The following LINGO2 variants were observed in gnomAD, a reference collection of about 807,000 sequenced individuals.
The protein encoded by LINGO2 is leucine rich repeat and Ig domain containing 2.
A neutral mutation model predicts 30.6 loss-of-function variants in LINGO2; 14 were observed. That is an observed-to-expected ratio of 0.46 (90% CI 0.30 to 0.72). The LOEUF (loss-of-function observed/expected upper bound fraction) is 0.72. Among genes scored for constraint, LINGO2 ranks in the 30% least tolerant of loss-of-function variants. LINGO2 has a pLI of 0.07. For missense variants in LINGO2, 729 were observed against 751.7 expected, an observed-to-expected ratio of 0.97 and a Z score of 0.35; for synonymous variants, 317 against 288.5, an observed-to-expected ratio of 1.10 and a Z score of -1.00.
chr9:28,351,524 A>T lies in LINGO2; in HGVS notation c.-246+21312T>A, dbSNP rs1387462760. On this transcript the variant is annotated intron_variant, in intron 3 of 5. Coordinates refer to ENST00000379992, the Ensembl canonical transcript of LINGO2. The stretch of plus-strand genomic sequence containing the variant: ...CAATAATCAATAGCTTACCAACCAA[A>T]AAGAGTCCAGGACCAGATGGATTCA... Among the ~76,000 whole-genome samples the T allele has an allele frequency of 2.2e-3, 319 of 147,754 alleles. No individual in the cohort carries two copies. In the East Asian group the frequency reaches 0.029, roughly 13 times the overall value.
At chr9:28,753,165 G>T in the LINGO2 span, among the ~76,000 whole-genome samples, 1 of 151,806 alleles carries the variant, frequency 6.6e-6, no homozygotes, top group South Asian at 2.1e-4. Flanking sequence ...ATCCTCACAG[G>T]TCTACACTTA....
At chr9:28,342,158 C>T (rs189524149) in intron 3 of LINGO2, among the ~76,000 whole-genome samples, 8 of 152,210 alleles carry the variant, frequency 5.3e-5, no homozygotes, top group Admixed American at 4.6e-4. Flanking sequence ...CAAGGAAGTG[C>T]AAAGCAAAAT....
intron 4 of LINGO2, among the ~76,000 whole-genome samples, chr9:28,198,279 T>C (rs1041706599): frequency 1.3e-5 from 2 of 152,090 alleles, no homozygotes; most frequent in Non-Finnish European, 2.9e-5. Flanking sequence ...AAAAGCCTGT[T>C]ACAGAATGCT....
the LINGO2 span, among the ~76,000 whole-genome samples, chr9:28,948,509 T>C: frequency 6.6e-6 from 1 of 152,086 alleles, no homozygotes; most frequent in Non-Finnish European, 1.5e-5. Context: ...AGCAATTTTC[T>C]GACTCTCGCT....
the LINGO2 span, among the ~76,000 whole-genome samples, chr9:29,101,936 A>C: frequency 0.24 from 35,880 of 152,046 alleles, 4,366 homozygotes; most frequent in East Asian, 0.41. Context: ...TCCTGGATAT[A>C]TTAAAAGCTG....
At chr9:28,763,070 C>A in the LINGO2 span, among the ~76,000 whole-genome samples, 1 of 152,012 alleles carries the variant, frequency 6.6e-6, no homozygotes, top group Non-Finnish European at 1.5e-5. Flanking sequence ...AAATATGAAA[C>A]TTTGCTAGCC....
At chr9:28,625,938 G>C (rs183733042) in intron 1 of LINGO2, among the ~76,000 whole-genome samples, 1 of 151,714 alleles carries the variant, frequency 6.6e-6, no homozygotes, top group African/African-American at 2.4e-5. Flanking sequence ...GAGTTTTCTT[G>C]GGTAAATACC....
the LINGO2 span, among the ~76,000 whole-genome samples, chr9:29,059,433 A>G: frequency 2.6e-5 from 4 of 151,044 alleles, no homozygotes; most frequent in African/African-American, 9.7e-5. Flanking sequence ...ATAAATAAAT[A>G]AATAAATAAA....
Position 28,147,738 on chromosome 9 carries a change from G to A in LINGO2, c.-86-135333C>T, listed in dbSNP as rs1251668753. Among the ~76,000 whole-genome samples, 2 of 152,168 alleles carry A rather than the reference G, an allele frequency of 1.3e-5. No individual in the cohort carries two copies. Among genetic ancestry groups the A allele is most frequent in the African/African-American group, 4.8e-5 (2 of 41,454 alleles). ...GCCACACAACTGCCCCCAGGAGCAG[G>A]ACGTCCCTGAGGCTAGAGTCCAGCT... On this transcript the variant is annotated intron_variant, in intron 4 of 5. Transcript: ENST00000379992. The surrounding 1 kb of genome is among the most constrained non-coding windows in gnomAD (Gnocchi z 4.7).
intron 1 of LINGO2, among the ~76,000 whole-genome samples, chr9:28,584,933 A>ATTTTTT (rs1046279252): frequency 7.2e-4 from 10 of 13,902 alleles, no homozygotes; most frequent in African/African-American, 1.6e-3. Flanking sequence ...ACTGCAAGAG[A>ATTTTTT]TTTTTTTTTT....
At chr9:28,608,467 C>T (rs1348201763) in intron 1 of LINGO2, among the ~76,000 whole-genome samples, 2 of 152,002 alleles carry the variant, frequency 1.3e-5, no homozygotes, top group East Asian at 3.9e-4. Flanking sequence ...TTACATAAAC[C>T]CCCTGGAAGG....
chr9:29,008,805 C>A, the LINGO2 span, among the ~76,000 whole-genome samples: 1 of 151,904 alleles, frequency 6.6e-6, no homozygotes. Flanking sequence ...AAAACGAATT[C>A]CAGCAGCACA....
At chr9:28,784,644 T>C in the LINGO2 span, among the ~76,000 whole-genome samples, 4 of 152,098 alleles carry the variant, frequency 2.6e-5, no homozygotes, top group African/African-American at 9.7e-5. Flanking sequence ...CACAAGATAG[T>C]ATATGATTCA....
intron 1 of LINGO2, among the ~76,000 whole-genome samples, chr9:28,564,957 A>G (rs959158517): frequency 1.3e-5 from 2 of 151,966 alleles, no homozygotes; most frequent in African/African-American, 2.4e-5. Flanking sequence ...AGCTGTCTGC[A>G]AGTTCTGATA....
chr9:28,803,559 A>G, the LINGO2 span, among the ~76,000 whole-genome samples: 1 of 152,026 alleles, frequency 6.6e-6, no homozygotes, highest in South Asian at 2.1e-4. Context: ...AAAGCATACT[A>G]TCAACTCATA....
chr9:28,231,071 G>T (rs1821338556), intron 4 of LINGO2, among the ~76,000 whole-genome samples: 1 of 151,644 alleles, frequency 6.6e-6, no homozygotes, highest in Non-Finnish European at 1.5e-5. Flanking sequence ...ATAATATAGA[G>T]ACCTCAATAT....
At chr9:28,595,841 C>A (rs1409472453) in intron 1 of LINGO2, among the ~76,000 whole-genome samples, 2 of 152,064 alleles carry the variant, frequency 1.3e-5, no homozygotes, top group Non-Finnish European at 2.9e-5. Context: ...CAAATTCTGG[C>A]AACCAGATAA....
the LINGO2 span, among the ~76,000 whole-genome samples, chr9:28,845,960 G>T: frequency 2.7e-5 from 4 of 150,912 alleles, no homozygotes; most frequent in East Asian, 5.9e-4. Flanking sequence ...CTCTAATGAC[G>T]TTTAGAGTTA....
chr9:28,352,458 C>A (rs1217601970), intron 3 of LINGO2, among the ~76,000 whole-genome samples: 1 of 43,774 alleles, frequency 2.3e-5, no homozygotes, highest in Non-Finnish European at 4.7e-5. Context: ...TGCGAAGGAC[C>A]TCTTCAAGGA....
Sources: gnomAD v4.1 joint callset for allele counts (sites outside exome capture counted in the v4.1 genomes callset) on GRCh38, gnomAD v4.1.1 for gene constraint, Gnocchi (gnomAD v3.1) non-coding constraint, MANE v1.5 for transcripts, NCBI Gene and HGNC (gene_info 2026-07-23, HGNC 2026-07-21) for gene names.